The following KDM6A variants were observed in gnomAD, a reference collection of about 807,000 sequenced individuals.
KDM6A encodes lysine-specific demethylase 6A.
A neutral mutation model predicts 117.6 loss-of-function variants in KDM6A; 11 were observed. The observed-to-expected ratio is 0.09, with a 90% CI of 0.06 to 0.15. KDM6A has a LOEUF of 0.15. KDM6A is among the 10% of genes least tolerant of loss of function. KDM6A has a pLI of 1.00. For synonymous variants in KDM6A, 384 were observed against 396.1 expected (o/e 0.97, Z 0.36); for missense variants, 799 against 1,077.3 (o/e 0.74, Z 3.62).
At chrX:44,876,674 T>C (rs1379948316) in intron 2 of KDM6A, among the ~76,000 whole-genome samples, 4 of 95,583 alleles carry the variant, frequency 4.2e-5, no homozygotes, top group Non-Finnish European at 8.2e-5. Context: ...AACGTTTTCC[T>C]TTCTGGCAGA....
intron 4 of KDM6A, among the ~76,000 whole-genome samples, chrX:45,004,951 T>C (rs936060298): frequency 2.7e-5 from 3 of 110,347 alleles, no homozygotes; most frequent in Non-Finnish European, 5.7e-5. Flanking sequence ...TCCATAAGGG[T>C]TATCTAGTAG....
chrX:44,894,675 G>A (rs1293923931), intron 2 of KDM6A, among the ~76,000 whole-genome samples: 2 of 108,150 alleles, frequency 1.8e-5, no homozygotes, highest in African/African-American at 6.7e-5. Flanking sequence ...GAGTGCAGTG[G>A]CGTGATCTCG....
At chrX:44,933,516 G>A (rs1168996492) in intron 2 of KDM6A, among the ~76,000 whole-genome samples, 1 of 107,844 alleles carries the variant, frequency 9.3e-6, no homozygotes, top group Non-Finnish European at 1.9e-5. Context: ...CTCATGATCC[G>A]CTAGTCTCAG....
intron 27 of KDM6A, among the ~76,000 whole-genome samples, chrX:45,106,278 C>T (rs1360512322): frequency 9.0e-6 from 1 of 111,315 alleles, no homozygotes; most frequent in Non-Finnish European, 1.9e-5. Flanking sequence ...CCCACCTCCC[C>T]ACCCACCACC....
At chrX:44,998,391 A>G (rs999688266) in intron 4 of KDM6A, among the ~76,000 whole-genome samples, 2 of 111,951 alleles carry the variant, frequency 1.8e-5, no homozygotes, top group Non-Finnish European at 3.8e-5. Flanking sequence ...TGTTACCACT[A>G]TCTAAAATCT....
Position 45,082,756 on chromosome X carries a change from T to G in KDM6A, c.3407T>G (p.Phe1136Cys). ...RRKGPFKTIK[F>C]GTNIDLSDDK... ...AAAGGACCCTTTAAAACCATAAAGT[T>G]TGGGACCAATATTGACCTATCTGAT... Residue 1136 changes from phenylalanine to cysteine, a missense_variant, in exon 23 of 30, where the codon TTT becomes TGT. By Grantham distance (205) the Phe-to-Cys change is radical. Transcript: ENST00000611820. The G allele has an allele frequency of 3.3e-6, 4 of 1,202,871 alleles. No homozygotes were observed. Among genetic ancestry groups the G allele is most frequent in the Non-Finnish European group, 4.5e-6 (4 of 887,856 alleles).
chrX:44,953,739 G>A (rs1367383782), intron 2 of KDM6A, among the ~76,000 whole-genome samples: 1 of 111,582 alleles, frequency 9.0e-6, no homozygotes, highest in Non-Finnish European at 1.9e-5. Flanking sequence ...GAAATTAAAA[G>A]GAAAAAGTCT....
chrX:45,104,024 CTTTT>C (rs761228898), intron 27 of KDM6A, among the ~76,000 whole-genome samples: 1 of 94,603 alleles, frequency 1.1e-5, no homozygotes, highest in Non-Finnish European at 2.1e-5. Flanking sequence ...AAATTGAATT[CTTTT>C]TTTTTTTTTT....
chrX:44,885,744 C>A (rs1408504517), intron 2 of KDM6A, among the ~76,000 whole-genome samples: 1 of 109,345 alleles, frequency 9.1e-6, no homozygotes, highest in Admixed American at 9.8e-5. Flanking sequence ...TGGTGGCGGG[C>A]GCCTGTAGTC....
At chrX:44,996,263 G>T (rs983370169) in intron 4 of KDM6A, among the ~76,000 whole-genome samples, 5 of 109,247 alleles carry the variant, frequency 4.6e-5, no homozygotes, top group Non-Finnish European at 9.5e-5. Flanking sequence ...TGTAGAGAAT[G>T]AGAGTCTCAC....
At chrX:44,924,650 T>G (rs375248082) in intron 2 of KDM6A, among the ~76,000 whole-genome samples, 7 of 44,660 alleles carry the variant, frequency 1.6e-4, no homozygotes, top group East Asian at 5.2e-4. Flanking sequence ...TGGTCCTGGG[T>G]GTGTGTGTGT....
At chrX:45,016,746 C>T (rs1158054421) in intron 5 of KDM6A, among the ~76,000 whole-genome samples, 2 of 111,341 alleles carry the variant, frequency 1.8e-5, no homozygotes, top group African/African-American at 3.3e-5. Context: ...GATCCACCCA[C>T]CTTGGCCTCT....
At position 45,070,193 on chromosome X, in the gene KDM6A, C is replaced by T. The variant is rs774049888; in HGVS notation, c.2694C>T (p.Ser898=). 16 of 1,209,622 alleles carry T rather than the reference C, an allele frequency of 1.3e-5. No homozygotes were observed. The highest frequency in any genetic ancestry group is 1.8e-5 in the Non-Finnish European group (16 of 894,863). ...TTTNSVTSLN[S]PHSGLHTING... Reference sequence around the variant, plus strand: ...CAAACAGTGTTACCAGCCTTAACAGCCCTCACAGTGGGCTACACACAATTA... The same window carrying T: ...CAAACAGTGTTACCAGCCTTAACAGTCCTCACAGTGGGCTACACACAATTA... Residue 898 remains serine, a synonymous_variant, in exon 18 of 30, where the codon AGC becomes AGT. Coordinates refer to ENST00000611820, the MANE Select transcript of KDM6A (RefSeq NM_001291415.2).
chrX:44,899,971 G>A (rs765869509), intron 2 of KDM6A, among the ~76,000 whole-genome samples: 6 of 111,755 alleles, frequency 5.4e-5, no homozygotes, highest in East Asian at 2.8e-4. Flanking sequence ...CTGTTATTTC[G>A]GGGATATGGT....
chrX:45,105,344 A>G (rs1214321805), intron 27 of KDM6A, among the ~76,000 whole-genome samples: 1 of 112,052 alleles, frequency 8.9e-6, no homozygotes, highest in African/African-American at 3.2e-5. Context: ...GGCATAATGT[A>G]TATGAAATAG....
At chrX:44,994,827 A>G (rs771723170) in intron 4 of KDM6A, among the ~76,000 whole-genome samples, 14 of 111,049 alleles carry the variant, frequency 1.3e-4, no homozygotes, top group Non-Finnish European at 2.6e-4. Context: ...CTGATTGGCT[A>G]ATTTAAAGAG....
intron 8 of KDM6A, among the ~76,000 whole-genome samples, chrX:45,041,086 C>T (rs1602690622): frequency 2.6e-5 from 2 of 76,513 alleles, no homozygotes; most frequent in East Asian, 9.0e-4. Flanking sequence ...CAGAGGCACC[C>T]CTCACCTCCC....
intron 6 of KDM6A, among the ~76,000 whole-genome samples, chrX:45,027,336 AACACACACACACACAC>A (rs200245833): frequency 1.0e-5 from 1 of 98,137 alleles, no homozygotes; most frequent in Non-Finnish European, 2.1e-5. Flanking sequence ...CATAGTGTGA[AACACACACACACACAC>A]ACACACACAC....
intron 4 of KDM6A, among the ~76,000 whole-genome samples, chrX:45,005,333 G>A (rs977970055): frequency 2.7e-5 from 3 of 110,579 alleles, no homozygotes; most frequent in African/African-American, 3.3e-5. Context: ...GATCCCATGC[G>A]CTGGAGTCTT....
Sources: gnomAD v4.1 joint callset for allele counts (sites outside exome capture counted in the v4.1 genomes callset) on GRCh38, gnomAD v4.1.1 for gene constraint, MANE v1.5 for transcripts, NCBI Gene and HGNC (gene_info 2026-07-23, HGNC 2026-07-21) for gene names.